OPCML: variants seen among roughly 807,000 people sequenced by gnomAD.
OPCML encodes opioid-binding protein/cell adhesion molecule.
OPCML carries 13 observed loss-of-function variants against 37.8 expected under a neutral mutation model. The ratio of observed to expected loss-of-function variants is 0.34; its 90% confidence interval spans 0.22 to 0.55. OPCML has a LOEUF of 0.55. OPCML is among the 20% of genes least tolerant of loss of function. The probability of loss-of-function intolerance (pLI) is 0.91; values close to 1 mark genes in which losing one functional copy is unlikely to be tolerated. For synonymous variants in OPCML, 176 were observed against 168.8 expected (o/e 1.04, Z -0.33); for missense variants, 341 against 435.6 (o/e 0.78, Z 1.93).
intron 3 of OPCML, among the ~76,000 whole-genome samples, chr11:132,611,076 C>T (rs61906403): frequency 0.21 from 31,624 of 152,004 alleles, 4,642 homozygotes; most frequent in African/African-American, 0.4. Flanking sequence ...TTAGGAGAAC[C>T]CCATGACATT....
intron 4 of OPCML, chr11:132,525,882 T>G (rs56176961): frequency 6.8e-6 from 1 of 147,880 alleles, no homozygotes; most frequent in East Asian, 1.9e-4. Flanking sequence ...AAGGAAACAA[T>G]TTTTTGGAGT....
chr11:133,198,349 A>T (rs1189154790), intron 1 of OPCML, among the ~76,000 whole-genome samples: 2 of 152,258 alleles, frequency 1.3e-5, no homozygotes, highest in Non-Finnish European at 2.9e-5. Context: ...ACAAAAGGAC[A>T]TTCGATCATA....
intron 1 of OPCML, among the ~76,000 whole-genome samples, chr11:133,338,543 C>T (rs1244253208): frequency 3.9e-5 from 6 of 152,292 alleles, no homozygotes; most frequent in East Asian, 3.9e-4. Context: ...CTGGCCCTTC[C>T]GGCCAGCCAA....
intron 2 of OPCML, among the ~76,000 whole-genome samples, chr11:132,935,317 A>T (rs1337643699): frequency 6.6e-6 from 1 of 152,140 alleles, no homozygotes; most frequent in East Asian, 1.9e-4. Flanking sequence ...TAAATAGAAA[A>T]TTATCGTATT....
Position 132,934,500 on chromosome 11 carries a change from G to T in OPCML, c.146+8426C>A, listed in dbSNP as rs11223287. 3.5e-4 allele frequency among the ~76,000 whole-genome samples: 53 copies of T among 152,304 alleles called. No individual in the cohort carries two copies. The East Asian group carries it at 8.9e-3, about 26-fold the overall frequency. ...TATGTGTGGTCCTGTGGCCTGGACA[G>T]GCAGAGAAGAGGCTCTCAAATCCCA... is the stretch of plus-strand genomic sequence containing the variant. On this transcript the variant is annotated intron_variant, in intron 2 of 7. Transcript: ENST00000524381.
intron 2 of OPCML, among the ~76,000 whole-genome samples, chr11:132,686,547 C>A (rs1463004258): frequency 1.3e-5 from 2 of 152,182 alleles, no homozygotes; most frequent in African/African-American, 2.4e-5. Context: ...GCCTCTTATG[C>A]AAATAGTTTC....
chr11:132,679,935 G>A (rs1030520925), intron 2 of OPCML, among the ~76,000 whole-genome samples: 1 of 152,184 alleles, frequency 6.6e-6, no homozygotes, highest in Non-Finnish European at 1.5e-5. Context: ...AGTGGTAGGT[G>A]ATGTGCATTC....
intron 2 of OPCML, among the ~76,000 whole-genome samples, chr11:132,692,207 C>T (rs1028342015): frequency 6.7e-6 from 1 of 149,346 alleles, no homozygotes; most frequent in Non-Finnish European, 1.5e-5. Flanking sequence ...TTTTGCTTCT[C>T]TTCCTGTCAT....
At chr11:133,157,374 G>A (rs1053437388) in intron 1 of OPCML, among the ~76,000 whole-genome samples, 3 of 152,168 alleles carry the variant, frequency 2.0e-5, no homozygotes, top group Non-Finnish European at 4.4e-5. Flanking sequence ...GCAGGGCTGG[G>A]CTGCCTCCTG....
rs142779170 is a variant in OPCML at position 132,828,857 on chromosome 11, T to C, written c.146+114069A>G. 2.9e-3 allele frequency among the ~76,000 whole-genome samples: 435 copies of C among 152,306 alleles called. 1 individual carries two copies. Among genetic ancestry groups the C allele is most frequent in the Admixed American group, 6.7e-3 (102 of 15,294 alleles). Reference sequence around the variant, plus strand: ...TAGGCAGGCAGAACTGGGCAGAGAATATGATTTCACTGGCTGGCCGTGGGC... The same window carrying C: ...TAGGCAGGCAGAACTGGGCAGAGAACATGATTTCACTGGCTGGCCGTGGGC... On this transcript the variant is annotated intron_variant, in intron 2 of 7. Coordinates refer to ENST00000524381, the MANE Select transcript of OPCML (RefSeq NM_001012393.5).
intron 3 of OPCML, among the ~76,000 whole-genome samples, chr11:132,534,016 T>C (rs902225909): frequency 2.0e-5 from 3 of 152,204 alleles, no homozygotes; most frequent in African/African-American, 7.2e-5. Flanking sequence ...ATAAACATAA[T>C]GTATGAGTGC....
chr11:132,441,947 A>G (rs1481270130), intron 4 of OPCML, among the ~76,000 whole-genome samples: 1 of 152,128 alleles, frequency 6.6e-6, no homozygotes, highest in Non-Finnish European at 1.5e-5. Flanking sequence ...AAACATCCAC[A>G]AGCAGGGTCT....
At chr11:132,495,770 C>T (rs935612979) in intron 4 of OPCML, among the ~76,000 whole-genome samples, 5 of 151,752 alleles carry the variant, frequency 3.3e-5, no homozygotes, top group African/African-American at 1.2e-4. Flanking sequence ...TGGCGGGCGC[C>T]TGTGGTCCCG....
chr11:133,531,104 C>A (rs1948596005), intron 1 of OPCML, among the ~76,000 whole-genome samples: 1 of 152,148 alleles, frequency 6.6e-6, no homozygotes, highest in Non-Finnish European at 1.5e-5. Context: ...AAAAAGAGAT[C>A]CTGACTGTGC....
chr11:133,520,823 C>T (rs1205557833), intron 1 of OPCML, among the ~76,000 whole-genome samples: 1 of 152,130 alleles, frequency 6.6e-6, no homozygotes, highest in Non-Finnish European at 1.5e-5. Flanking sequence ...CATCACAACC[C>T]AAATGGCAAA....
intron 4 of OPCML, among the ~76,000 whole-genome samples, chr11:132,479,423 T>C (rs2096170065): frequency 6.6e-6 from 1 of 152,188 alleles, no homozygotes; most frequent in Non-Finnish European, 1.5e-5. Flanking sequence ...GAGCTCAAAC[T>C]GCAAGGCAGC....
intron 1 of OPCML, among the ~76,000 whole-genome samples, chr11:133,385,484 G>A (rs76783051): frequency 0.12 from 18,798 of 152,126 alleles, 1,234 homozygotes; most frequent in African/African-American, 0.14. Context: ...AGCTCAAGCC[G>A]AGAAAAACAC....
chr11:132,511,818 A>T (rs950748612), intron 4 of OPCML, among the ~76,000 whole-genome samples: 1 of 151,888 alleles, frequency 6.6e-6, no homozygotes, highest in Non-Finnish European at 1.5e-5. Flanking sequence ...AACATAGAAT[A>T]TAACGTTTTT....
intron 2 of OPCML, among the ~76,000 whole-genome samples, chr11:132,904,852 G>C (rs143949631): frequency 6.6e-6 from 1 of 152,168 alleles, no homozygotes; most frequent in Non-Finnish European, 1.5e-5. Context: ...TTCAGAGGTC[G>C]TGAGTTTGTT....
Sources: allele counts gnomAD v4.1 joint callset (sites outside exome capture counted in the v4.1 genomes callset), GRCh38; gene constraint gnomAD v4.1.1; transcripts MANE v1.5; gene names NCBI Gene and HGNC (gene_info 2026-07-23, HGNC 2026-07-21).